Variants in PPID observed in about 807,000 individuals in gnomAD.
PPID encodes the protein peptidylprolyl isomerase D.
In PPID, 47 loss-of-function variants were observed where a neutral mutation model predicts 48.1. That is an observed-to-expected ratio of 0.98 (90% CI 0.77 to 1.25). PPID has a LOEUF of 1.25. Ranked by LOEUF, PPID falls within the 50% of genes most tolerant of loss-of-function variation. PPID has a pLI of 0.00. For missense variants in PPID, 429 were observed against 443.5 expected (o/e 0.97, Z 0.29); for synonymous variants, 163 against 148.8 (o/e 1.10, Z -0.69).
intron 1 of PPID, among the ~76,000 whole-genome samples, chr4:158,721,768 T>C (rs1400057158): frequency 2.6e-5 from 4 of 152,206 alleles, no homozygotes; most frequent in African/African-American, 9.7e-5. Context: ...ATTCTCTACT[T>C]CAAGGTCAAC....
In PPID at chr4:158,717,282, C is replaced by T. The variant is rs545475501; in HGVS notation, c.334-82G>A. The T allele has an allele frequency of 1.4e-5, 18 of 1,324,542 alleles. No individual in the cohort carries two copies. In the African/African-American group the frequency reaches 2.1e-4, roughly 15 times the overall value. The allele number at this position is 1,324,542 out of a possible 1,614,324, so 82.0% of individuals were successfully genotyped here. ...TGTGTTAGTCTGAACTGTTCTTTTA[C>T]TGAACATAAAACTGGGGTGCACTAT... On this transcript the variant is annotated intron_variant, in intron 3 of 9. Coordinates refer to ENST00000307720, the MANE Select transcript of PPID (RefSeq NM_005038.3).
chr4:158,719,878 T>G (rs1302927520), intron 2 of PPID, among the ~76,000 whole-genome samples: 1 of 152,202 alleles, frequency 6.6e-6, no homozygotes, highest in African/African-American at 2.4e-5. Context: ...TGTGGTTGGA[T>G]CACAGTGGTA....
At position 158,710,564 on chromosome 4, in the gene PPID, T is replaced by C. The variant is rs780240255; in HGVS notation, c.1024+64A>G. ...ATCTAAAATCTGGCAAAGTGAACAA[T>C]GGTTCCTGAGGATAAGTATTTAAAT... On this transcript the variant is annotated intron_variant, in intron 9 of 9. Coordinates refer to ENST00000307720, the MANE Select transcript of PPID (RefSeq NM_005038.3). The C allele has an allele frequency of 3.3e-6, 5 of 1,536,432 alleles. No individual in the cohort carries two copies. In the South Asian group the frequency reaches 5.6e-5, roughly 17 times the overall value.
At chr4:158,715,719 A>G (rs1341959383) in intron 4 of PPID, 35 bp from the exon 5 acceptor site, 2 of 1,585,124 alleles carry the variant, frequency 1.3e-6, no homozygotes, top group Non-Finnish European at 1.7e-6. Context: ...GAAGTGCACT[A>G]TCGTAATAAT....
intron 1 of PPID, among the ~76,000 whole-genome samples, chr4:158,721,955 T>C (rs1774970057): frequency 6.6e-6 from 1 of 152,182 alleles, no homozygotes; most frequent in Non-Finnish European, 1.5e-5. Flanking sequence ...AAAAAATCCA[T>C]CTGTAGATGG....
chr4:158,722,682 T>G (rs1423854467), intron 1 of PPID, among the ~76,000 whole-genome samples: 2 of 152,228 alleles, frequency 1.3e-5, no homozygotes, highest in African/African-American at 4.8e-5. Flanking sequence ...AATGGCAAAT[T>G]AAGAGAAAAT....
intron 3 of PPID, among the ~76,000 whole-genome samples, chr4:158,718,340 T>C (rs1441269910): frequency 1.3e-5 from 2 of 152,210 alleles, no homozygotes; most frequent in Non-Finnish European, 2.9e-5. Flanking sequence ...CCTCAATGAC[T>C]TCCATAATAA....
Position 158,717,128 on chromosome 4 carries a change from T to C in PPID, c.406A>G (p.Thr136Ala). The C allele has an allele frequency of 6.2e-7, 1 of 1,614,154 alleles. No individual in the cohort carries two copies. Among genetic ancestry groups the C allele is most frequent in the Non-Finnish European group, 8.5e-7 (1 of 1,179,998 alleles). Reference sequence around the variant, plus strand: ...CCATCCAAATGAGGAGTTGGAACTGTTGTGATAAAAAACTGAGAACCGTTT... The same window carrying C: ...CCATCCAAATGAGGAGTTGGAACTGCTGTGATAAAAAACTGAGAACCGTTT... ...NTNGSQFFIT[T>A]VPTPHLDGKH... is the part of the protein sequence containing the mutation. Residue 136 changes from threonine to alanine, a missense_variant, in exon 4 of 10, where the codon ACA (threonine) becomes GCA (alanine). Coordinates refer to ENST00000307720, the MANE Select transcript of PPID (RefSeq NM_005038.3).
intron 6 of PPID, among the ~76,000 whole-genome samples, chr4:158,714,782 G>T (rs1305942021): frequency 6.6e-6 from 1 of 152,040 alleles, no homozygotes; most frequent in East Asian, 1.9e-4. Flanking sequence ...TAGAGATGGG[G>T]TTTCACCATA....
chr4:158,709,578 A>G lies in PPID; in HGVS notation c.*158T>C. 2 of 540,840 alleles carry G rather than the reference A, an allele frequency of 3.7e-6. No individual in the cohort carries two copies. The highest frequency in any genetic ancestry group is 2.7e-5 in the South Asian group (1 of 36,764). 33.5% of individuals were successfully genotyped at this position (540,840 alleles called of 1,614,324 possible). A position where few individuals can be genotyped will look rare whatever the true frequency, so the allele number is the denominator to read the frequency against. ...TTACTTACTGTATTGTGACATGTTT[A>G]TTAAGCATGAACCCCTATCAGTACT... is the stretch of plus-strand genomic sequence containing the variant. On this transcript the variant is annotated 3_prime_UTR_variant, in exon 10 of 10. Transcript: ENST00000307720.
At chr4:158,714,082 G>A (rs534959292) in intron 6 of PPID, among the ~76,000 whole-genome samples, 1 of 152,158 alleles carries the variant, frequency 6.6e-6, no homozygotes, top group South Asian at 2.1e-4. Context: ...AAAAATATGC[G>A]GGAGGCTCTT....
intron 9 of PPID, chr4:158,710,067 A>G (rs574863412): frequency 3.3e-5 from 16 of 491,592 alleles, no homozygotes; most frequent in Non-Finnish European, 5.7e-5. Flanking sequence ...AGAGAACAGT[A>G]ATTGCTTCCC....
Position 158,714,833 on chromosome 4 carries a change from G to A in PPID, c.752+464C>T, listed in dbSNP as rs890109443. ...TCGAACTCCCGACCTCAGGTGATCCGCCCAGCTTGGCCTCCCAAAGTGCTG... is the reference window on the plus strand; with the variant it reads ...TCGAACTCCCGACCTCAGGTGATCCACCCAGCTTGGCCTCCCAAAGTGCTG... On this transcript the variant is annotated intron_variant, in intron 6 of 9. Coordinates refer to ENST00000307720, the MANE Select transcript of PPID (RefSeq NM_005038.3). Among the ~76,000 whole-genome samples, 15 of 152,170 alleles carry A rather than the reference G, an allele frequency of 9.9e-5. 1 individual carries two copies. The highest frequency in any genetic ancestry group is 5.2e-4 in the Admixed American group (8 of 15,294).
At chr4:158,715,525 AAATT>A (rs1389562296) in intron 5 of PPID, 33 bp downstream of exon 5, 6 of 1,602,300 alleles carry the variant, frequency 3.7e-6, no homozygotes, top group African/African-American at 2.7e-5. Context: ...TTCACTTACT[AAATT>A]AATTAAAGTT....
At chr4:158,712,171 A>G (rs1774799689) in intron 7 of PPID, among the ~76,000 whole-genome samples, 1 of 152,182 alleles carries the variant, frequency 6.6e-6, no homozygotes, top group Non-Finnish European at 1.5e-5. Flanking sequence ...TTCAAACTAT[A>G]CAACAGGGAA....
chr4:158,713,269 T>G lies in PPID; in HGVS notation c.753-9A>C, dbSNP rs1053151761. 1 of 1,594,248 alleles carries G rather than the reference T, an allele frequency of 6.3e-7. No individual in the cohort carries two copies. Among genetic ancestry groups the G allele is most frequent in the African/African-American group, 1.3e-5 (1 of 74,088 alleles). ...TTGAACTGTCCACGTATCTGCAGAATGCATTAATAAAAGCAGTATGAAAGA... is the reference window on the plus strand; with the variant it reads ...TTGAACTGTCCACGTATCTGCAGAAGGCATTAATAAAAGCAGTATGAAAGA... On this transcript the variant is annotated splice_polypyrimidine_tract_variant and intron_variant, in intron 6 of 9. Coordinates refer to ENST00000307720, the MANE Select transcript of PPID (RefSeq NM_005038.3).
At chr4:158,720,700 T>A (rs78492368) in intron 2 of PPID, among the ~76,000 whole-genome samples, 12 of 25,426 alleles carry the variant, frequency 4.7e-4, no homozygotes, top group Non-Finnish European at 6.7e-4. Context: ...ATTATGCATT[T>A]TTTTGTTTGT....
At position 158,719,283 on chromosome 4, in the gene PPID, A is replaced by C; in HGVS notation, c.230T>G (p.Ile77Ser). The stretch of plus-strand genomic sequence containing the variant: ...TCCACCCTGAATCATAAATTTCTTA[A>C]TAACTACAAAAAAGGAAAATGGCTA... Reference protein sequence around the residue: ...HFKGCPFHRIIKKFMIQGGDF... With the variant: ...HFKGCPFHRISKKFMIQGGDF... The change falls in exon 3 of 10, where the codon ATT (isoleucine) becomes AGT (serine). Residue 77 changes from isoleucine (I) to serine (S), a missense_variant. Transcript: ENST00000307720. 6.3e-7 allele frequency: 1 copy of C among 1,594,296 alleles called. No homozygotes were observed. The highest frequency in any genetic ancestry group is 1.1e-5 in the South Asian group (1 of 90,502).
intron 4 of PPID, 103 bp from the exon 5 acceptor site, chr4:158,715,787 A>AAATC: frequency 2.3e-6 from 3 of 1,297,880 alleles, no homozygotes; most frequent in Non-Finnish European, 3.2e-6. Context: ...TCACAGATTT[A>AAATC]TGTGAGAAGG....
Sources: gnomAD v4.1 joint callset for allele counts (sites outside exome capture counted in the v4.1 genomes callset) on GRCh38, gnomAD v4.1.1 for gene constraint, MANE v1.5 for transcripts, NCBI Gene and HGNC (gene_info 2026-07-23, HGNC 2026-07-21) for gene names.